The following EAPP variants were observed in gnomAD, a reference collection of about 807,000 sequenced individuals.
EAPP encodes the protein E2F associated phosphoprotein.
Under a neutral mutation model 34.3 loss-of-function variants are expected in EAPP, and 38 were observed. That is an observed-to-expected ratio of 1.11 (90% CI 0.85 to 1.45). The LOEUF (loss-of-function observed/expected upper bound fraction) is 1.45. Among genes scored for constraint, EAPP ranks in the 40% most tolerant of loss-of-function variants. The pLI is 0.00. For synonymous variants in EAPP, 113 were observed against 117.6 expected, an observed-to-expected ratio of 0.96 and a Z score of 0.25; for missense variants, 338 against 343.7, an observed-to-expected ratio of 0.98 and a Z score of 0.13.
chr14:34,520,756 G>T (rs375618239), intron 5 of EAPP, among the ~76,000 whole-genome samples: 1 of 151,496 alleles, frequency 6.6e-6, no homozygotes, highest in Non-Finnish European at 1.5e-5. Flanking sequence ...ACCCGCTTCC[G>T]CCTCCCAAAG....
At chr14:34,522,969 T>TA (rs1879967527) in intron 5 of EAPP, among the ~76,000 whole-genome samples, 1 of 152,188 alleles carries the variant, frequency 6.6e-6, no homozygotes, top group East Asian at 1.9e-4. Context: ...TTTTCTAATG[T>TA]AAAAATCATG....
At chr14:34,522,141 G>A (rs1245829661) in intron 5 of EAPP, among the ~76,000 whole-genome samples, 1 of 151,866 alleles carries the variant, frequency 6.6e-6, no homozygotes, top group Admixed American at 6.6e-5. Context: ...TTCGTTTTCT[G>A]TAGAGACAGA....
At chr14:34,538,586 T>TTC (rs1880553393) in intron 1 of EAPP, among the ~76,000 whole-genome samples, 1 of 148,984 alleles carries the variant, frequency 6.7e-6, no homozygotes, top group East Asian at 2.0e-4. Flanking sequence ...TTCTTTTGAT[T>TTC]TTTTTTTTTT....
intron 3 of EAPP, among the ~76,000 whole-genome samples, chr14:34,531,557 A>G (rs1331096245): frequency 1.3e-5 from 2 of 149,450 alleles, no homozygotes; most frequent in South Asian, 2.1e-4. Context: ...AGCTGAGATG[A>G]CGCCACTGCA....
At chr14:34,517,248 CTTT>C (rs34165039) in intron 5 of EAPP, among the ~76,000 whole-genome samples, 5 of 127,322 alleles carry the variant, frequency 3.9e-5, no homozygotes, top group Admixed American at 8.1e-5. Context: ...GATTCTATTT[CTTT>C]TTTTTTTTTT....
At chr14:34,523,398 C>T (rs1879983470) in intron 5 of EAPP, among the ~76,000 whole-genome samples, 2 of 151,990 alleles carry the variant, frequency 1.3e-5, no homozygotes, top group African/African-American at 2.4e-5. Context: ...CCACCATGCC[C>T]GGCTAATTTT....
intron 1 of EAPP, among the ~76,000 whole-genome samples, chr14:34,537,307 G>C (rs1880510891): frequency 6.6e-6 from 1 of 152,150 alleles, no homozygotes; most frequent in Admixed American, 6.6e-5. Flanking sequence ...CACTGCACCA[G>C]ACCTGTATTA....
At chr14:34,533,390 G>A in intron 3 of EAPP, 54 bp downstream of exon 3, 7 of 1,426,754 alleles carry the variant, frequency 4.9e-6, no homozygotes, top group Non-Finnish European at 6.9e-6. Flanking sequence ...ATAATTGTTA[G>A]GTAAACCTTT....
intron 4 of EAPP, among the ~76,000 whole-genome samples, chr14:34,526,950 C>G (rs1402599205): frequency 6.6e-6 from 1 of 151,732 alleles, no homozygotes; most frequent in Admixed American, 6.6e-5. Context: ...GCAGGTGGAT[C>G]ATCTGAGGTC....
At position 34,536,150 on chromosome 14, in the gene EAPP, G is replaced by A. The variant is rs1169309650; in HGVS notation, c.200C>T (p.Ala67Val). ...SEDEFEKEME[A>V]ELNSTMKTME... ...TGTTTTCATGGTAGAATTTAATTCAGCTTCCATCTCCTTTTCAAATTCATC... is the reference window on the plus strand; with the variant it reads ...TGTTTTCATGGTAGAATTTAATTCAACTTCCATCTCCTTTTCAAATTCATC... The change falls in exon 2 of 6, where the codon GCT (alanine) becomes GTT (valine). Residue 67 changes from alanine (A) to valine (V), a missense_variant. By Grantham distance (64) the Ala-to-Val change is moderately conservative (BLOSUM62 0). Coordinates refer to ENST00000250454, the MANE Select transcript of EAPP (RefSeq NM_018453.4). 6.2e-7 allele frequency: 1 copy of A among 1,612,672 alleles called. No individual in the cohort carries two copies. Among genetic ancestry groups the A allele is most frequent in the Admixed American group, 1.7e-5 (1 of 59,778 alleles).
At position 34,533,539 on chromosome 14, in the gene EAPP, C is replaced by A; in HGVS notation, c.257G>T (p.Gly86Val). Residue 86 changes from glycine to valine, a missense_variant and splice_region_variant, in exon 3 of 6, where the codon GGA becomes GTA. Transcript: ENST00000250454. ...MEDKLSSLGTGSSSGNGKVAT... is the reference protein window; with the variant it reads ...MEDKLSSLGTVSSSGNGKVAT... ...AACTTTTCCATTTCCTGAGGAAGAT[C>A]CTATTCAAACCAGAAGTAAAGTTTA... The A allele has an allele frequency of 4.5e-6, 7 of 1,567,988 alleles. No homozygotes were observed. The highest frequency in any genetic ancestry group is 6.0e-6 in the Non-Finnish European group (7 of 1,161,094).
At position 34,516,301 on chromosome 14, in the gene EAPP, T is replaced by A; in HGVS notation, c.*9A>T. ...ACAGTATTGGGTAATTAAATGCCAG[T>A]TGGGCTGTTTAGGAATGGCTTGCTA... On this transcript the variant is annotated 3_prime_UTR_variant, in exon 6 of 6. Coordinates refer to ENST00000250454, the MANE Select transcript of EAPP (RefSeq NM_018453.4). The A allele has an allele frequency of 6.2e-7, 1 of 1,603,122 alleles. No homozygotes were observed. The highest frequency in any genetic ancestry group is 1.1e-5 in the South Asian group (1 of 89,418).
chr14:34,532,731 A>G (rs911843091), intron 3 of EAPP, among the ~76,000 whole-genome samples: 6 of 150,056 alleles, frequency 4.0e-5, no homozygotes, highest in Admixed American at 3.3e-4. Flanking sequence ...CTGGAGTGCA[A>G]TGATGCGATC....
Position 34,516,051 on chromosome 14 carries a change from A to AT in EAPP, c.*258dup. On this transcript the variant is annotated 3_prime_UTR_variant, in exon 6 of 6. Coordinates refer to ENST00000250454, the MANE Select transcript of EAPP (RefSeq NM_018453.4). The stretch of plus-strand genomic sequence containing the variant: ...AACATTTTAATTCTACAGAGCTTTA[A>AT]TAAAAAGCCCGACAGTTTCCAAATG... The AT allele has an allele frequency of 2.7e-6, 1 of 373,336 alleles. No homozygotes were observed. The highest frequency in any genetic ancestry group is 4.1e-5 in the East Asian group (1 of 24,398). The allele number at this position is 373,336 out of a possible 1,614,324, so 23.1% of individuals were successfully genotyped here.
chr14:34,537,883 A>G (rs1269363581), intron 1 of EAPP, among the ~76,000 whole-genome samples: 2 of 152,214 alleles, frequency 1.3e-5, no homozygotes, highest in African/African-American at 4.8e-5. Flanking sequence ...GCTACAATGT[A>G]TTAGTTTATA....
chr14:34,529,555 A>C (rs1270304793), intron 3 of EAPP, 80 bp from the exon 4 acceptor site: 3 of 1,040,160 alleles, frequency 2.9e-6, no homozygotes, highest in Non-Finnish European at 1.4e-6. Flanking sequence ...CTCATTTCCC[A>C]AGCTACACAT....
At chr14:34,526,139 C>A (rs1594662819) in intron 4 of EAPP, among the ~76,000 whole-genome samples, 1 of 150,794 alleles carries the variant, frequency 6.6e-6, no homozygotes, top group South Asian at 2.1e-4. Flanking sequence ...CATTAAAAAA[C>A]AAGCACACAG....
intron 5 of EAPP, among the ~76,000 whole-genome samples, chr14:34,517,087 G>A (rs1402744819): frequency 6.0e-5 from 9 of 149,318 alleles, no homozygotes; most frequent in African/African-American, 7.4e-5. Flanking sequence ...ACAGGCGCCC[G>A]CCACCATGCC....
At chr14:34,526,208 A>C (rs968730142) in intron 4 of EAPP, among the ~76,000 whole-genome samples, 3 of 150,796 alleles carry the variant, frequency 2.0e-5, no homozygotes, top group Non-Finnish European at 3.0e-5. Context: ...AGGTGGGTGG[A>C]TCACAAGGTC....
Sources: allele counts gnomAD v4.1 joint callset (sites outside exome capture counted in the v4.1 genomes callset), GRCh38; gene constraint gnomAD v4.1.1; transcripts MANE v1.5; gene names NCBI Gene and HGNC (gene_info 2026-07-23, HGNC 2026-07-21).